Variants in CBLN4 observed in about 807,000 individuals in gnomAD.
The protein encoded by CBLN4 is cerebellin 4 precursor.
A neutral mutation model predicts 14.9 loss-of-function variants in CBLN4; 7 were observed. That is an observed-to-expected ratio of 0.47 (90% CI 0.27 to 0.88). The LOEUF (loss-of-function observed/expected upper bound fraction) is 0.88. CBLN4 is among the 40% of genes least tolerant of loss of function. CBLN4 has a pLI of 0.14. For synonymous variants in CBLN4, 131 were observed against 116.5 expected (o/e 1.12, Z -0.80); for missense variants, 188 against 256.8 (o/e 0.73, Z 1.83).
At chr20:55,998,838 G>T in intron 2 of CBLN4, 84 bp from the exon 3 acceptor site, 1 of 1,021,954 alleles carries the variant, frequency 9.8e-7, no homozygotes, top group Non-Finnish European at 1.5e-6. Context: ...TGTCTAAGAT[G>T]ATAGACCCAG....
In CBLN4 at chr20:55,998,571, C is replaced by G; in HGVS notation, c.592G>C (p.Val198Leu). ...GAAATTGAATCCTATAGGGGGAACA[C>G]CAGAAAGCCAGAAAACGTGGAATAC... ...WQYSTFSGFL[V>L]FPL Residue 198 changes from valine (V) to leucine (L), a missense_variant, in exon 3 of 3, where the codon GTG (valine) becomes CTG (leucine). Transcript: ENST00000064571. The G allele has an allele frequency of 6.2e-7, 1 of 1,614,048 alleles. No homozygotes were observed. The highest frequency in any genetic ancestry group is 1.1e-5 in the South Asian group (1 of 91,082).
chr20:56,000,093 C>A (rs2145958448), intron 2 of CBLN4, among the ~76,000 whole-genome samples: 1 of 152,298 alleles, frequency 6.6e-6, no homozygotes, highest in South Asian at 2.1e-4. Context: ...ATTGTTGGAA[C>A]AAGCTCCACT....
At position 56,004,027 on chromosome 20, in the gene CBLN4, C is replaced by G; in HGVS notation, c.145G>C (p.Ala49Pro). 1 of 1,614,040 alleles carries G rather than the reference C, an allele frequency of 6.2e-7. No individual in the cohort carries two copies. Among genetic ancestry groups the G allele is most frequent in the Non-Finnish European group, 8.5e-7 (1 of 1,179,994 alleles). Reference sequence around the variant, plus strand: ...GAAGAGGAGCCCTTGGAGTCCGTGGCCGGGTTCGAGTCGCACACCACCAGA... The same window carrying G: ...GAAGAGGAGCCCTTGGAGTCCGTGGGCGGGTTCGAGTCGCACACCACCAGA... ...KCLVVCDSNP[A>P]TDSKGSSSSP... The change falls in exon 1 of 3, where the codon GCC becomes CCC. Residue 49 changes from alanine to proline, a missense_variant. Ala to Pro is a conservative substitution (Grantham distance 27, BLOSUM62 -1). Coordinates refer to ENST00000064571, the MANE Select transcript of CBLN4 (RefSeq NM_080617.6). This position sits in a 1 kb window ranked among gnomAD's most constrained non-coding sequence, Gnocchi z 6.1.
In CBLN4 at chr20:55,998,447, C is replaced by G. The variant is rs1986316350; in HGVS notation, c.*110G>C. 8.2e-7 allele frequency: 1 copy of G among 1,212,592 alleles called. No homozygotes were observed. Among genetic ancestry groups the G allele is most frequent in the African/African-American group, 1.5e-5 (1 of 65,478 alleles). 75.1% of individuals were successfully genotyped at this position (1,212,592 alleles called of 1,614,324 possible). A position where few individuals can be genotyped will look rare whatever the true frequency, so the allele number is the denominator to read the frequency against. Reference sequence around the variant, plus strand: ...CTAGAATCCTTAGAATCCATATCCACCCATGAGAAACCAATAAAAGACATC... The same window carrying G: ...CTAGAATCCTTAGAATCCATATCCAGCCATGAGAAACCAATAAAAGACATC... On this transcript the variant is annotated 3_prime_UTR_variant, in exon 3 of 3. Transcript: ENST00000064571.
In CBLN4 at chr20:55,998,297, G is replaced by A; in HGVS notation, c.*260C>T. The A allele has an allele frequency of 4.6e-6, 2 of 430,484 alleles. No homozygotes were observed. Among genetic ancestry groups the A allele is most frequent in the Non-Finnish European group, 8.2e-6 (2 of 243,040 alleles). 26.7% of individuals were successfully genotyped at this position (430,484 alleles called of 1,614,324 possible). ...TCCCAGGAAATGAAATTCAGAATAA[G>A]TCTTGCAGACAGCTTTTGACTGTTA... On this transcript the variant is annotated 3_prime_UTR_variant, in exon 3 of 3. Coordinates refer to ENST00000064571, the MANE Select transcript of CBLN4 (RefSeq NM_080617.6).
chr20:56,003,989 C>T lies in CBLN4; in HGVS notation c.183G>A (p.Gly61=). 6.2e-7 allele frequency: 1 copy of T among 1,614,082 alleles called. No individual in the cohort carries two copies. The highest frequency in any genetic ancestry group is 8.5e-7 in the Non-Finnish European group (1 of 1,180,008). The change falls in exon 1 of 3, where the codon GGG becomes GGA. Residue 61 remains glycine (G), a synonymous_variant. Coordinates refer to ENST00000064571, the MANE Select transcript of CBLN4 (RefSeq NM_080617.6). ...TGGAGTTGGCCGCCCGGACCGATAT[C>T]CCCAGCGGGGAGGAAGAGGAGCCCT... ...DSKGSSSSPL[G]ISVRAANSKV...
chr20:56,002,519 A>C (rs1308035228), intron 1 of CBLN4, among the ~76,000 whole-genome samples: 1 of 152,274 alleles, frequency 6.6e-6, no homozygotes, highest in African/African-American at 2.4e-5. Context: ...ACTGAAAAGA[A>C]GAACAAACCC....
Position 55,998,731 on chromosome 20 carries a change from T to A in CBLN4, c.432A>T (p.Lys144Asn). The change falls in exon 3 of 3, where the codon AAA becomes AAT. Residue 144 changes from lysine (K) to asparagine (N), a missense_variant. By Grantham distance (94) the Lys-to-Asn change is moderately conservative. Around this residue, in one of 2 missense-constraint regions of CBLN4, gnomAD observed 93 missense variants for 157.7 expected, o/e 0.59. Transcript: ENST00000064571. ...TIQVNLMLNG[K>N]PVISAFAGDK... is the part of the protein sequence containing the mutation. Reference sequence around the variant, plus strand: ...CCCCCGCAAAGGCAGATATTACTGGTTTTCCATTTAACATCAAGTTAACCT... The same window carrying A: ...CCCCCGCAAAGGCAGATATTACTGGATTTCCATTTAACATCAAGTTAACCT... 1 of 1,614,004 alleles carries A rather than the reference T, an allele frequency of 6.2e-7. No homozygotes were observed. The highest frequency in any genetic ancestry group is 8.5e-7 in the Non-Finnish European group (1 of 1,179,874).
rs765854564 is a variant in CBLN4 at position 56,003,920 on chromosome 20, G to T, written c.252C>A (p.Ser84=). The T allele has an allele frequency of 3.1e-6, 5 of 1,613,348 alleles. No homozygotes were observed. The highest frequency in any genetic ancestry group is 3.4e-6 in the Non-Finnish European group (4 of 1,179,718). The change falls in exon 1 of 3, where the codon TCC becomes TCA. Residue 84 remains serine, a synonymous_variant. Transcript: ENST00000064571. ...TGATGCGCGTCTTGTTGCTCATCTC[G>T]GATGGCTCGTGGTTGGTGCTCCGCA... ...SAVRSTNHEP[S]EMSNKTRIIY...
At position 56,004,801 on chromosome 20, in the gene CBLN4, T is replaced by TAGGG. The variant is rs1986438325; in HGVS notation, c.-634_-631dup. 1 of 152,324 alleles carries TAGGG rather than the reference T, an allele frequency of 6.6e-6. No individual in the cohort carries two copies. Among genetic ancestry groups the TAGGG allele is most frequent in the South Asian group, 2.1e-4 (1 of 4,828 alleles). 9.4% of individuals were successfully genotyped at this position (152,324 alleles called of 1,614,324 possible). On this transcript the variant is annotated 5_prime_UTR_variant, in exon 1 of 3. Coordinates refer to ENST00000064571, the MANE Select transcript of CBLN4 (RefSeq NM_080617.6). The surrounding 1 kb of genome is among the most constrained non-coding windows in gnomAD (Gnocchi z 6.1). ...CCCCAAACCTGGTGTCACCCAGAGG[T>TAGGG]AGGGAGGGAGGCAGCGGCTAGCCAG...
At chr20:56,002,536 T>C (rs1986391702) in intron 1 of CBLN4, among the ~76,000 whole-genome samples, 1 of 152,216 alleles carries the variant, frequency 6.6e-6, no homozygotes, top group Admixed American at 6.5e-5. Context: ...ACCCTTTTCC[T>C]CTTCTAATTG....
chr20:55,998,859 G>T, intron 2 of CBLN4, 105 bp from the exon 3 acceptor site: 1 of 827,342 alleles, frequency 1.2e-6, no homozygotes, highest in Non-Finnish European at 1.9e-6. Flanking sequence ...TAAAATACCT[G>T]ATGTTCAGGA....
chr20:56,000,348 G>T (rs1317390484), intron 2 of CBLN4, among the ~76,000 whole-genome samples: 1 of 152,098 alleles, frequency 6.6e-6, no homozygotes, highest in Non-Finnish European at 1.5e-5. Context: ...TATTTATTTA[G>T]TATGCACTTG....
intron 1 of CBLN4, among the ~76,000 whole-genome samples, chr20:56,001,813 CTT>C (rs1218343459): frequency 6.6e-6 from 1 of 152,146 alleles, no homozygotes; most frequent in African/African-American, 2.4e-5. Context: ...TAAGTGACCT[CTT>C]AAGCTAAATT....
At chr20:56,001,811 C>T (rs2145959293) in intron 1 of CBLN4, among the ~76,000 whole-genome samples, 1 of 152,180 alleles carries the variant, frequency 6.6e-6, no homozygotes. Context: ...AATAAGTGAC[C>T]TCTTAAGCTA....
chr20:55,998,498 C>T lies in CBLN4; in HGVS notation c.*59G>A, dbSNP rs1986317045. The T allele has an allele frequency of 1.9e-6, 3 of 1,581,308 alleles. No homozygotes were observed. Among genetic ancestry groups the T allele is most frequent in the Middle Eastern group, 1.7e-4 (1 of 5,960 alleles). On this transcript the variant is annotated 3_prime_UTR_variant, in exon 3 of 3. Transcript: ENST00000064571. ...AATCCAATGATGAAAAAATGATCTTCCAATAACTCAGGAGTGGGTCATCCC... is the reference window on the plus strand; with the variant it reads ...AATCCAATGATGAAAAAATGATCTTTCAATAACTCAGGAGTGGGTCATCCC...
intron 1 of CBLN4, among the ~76,000 whole-genome samples, chr20:56,001,368 C>T (rs997460644): frequency 1.3e-5 from 2 of 152,210 alleles, no homozygotes; most frequent in African/African-American, 4.8e-5. Flanking sequence ...CCGCAGCATC[C>T]CTGGACAAAC....
chr20:56,000,984 C>A, intron 1 of CBLN4, 137 bp from the exon 2 acceptor site: 1 of 439,076 alleles, frequency 2.3e-6, no homozygotes, highest in Non-Finnish European at 3.9e-6. Flanking sequence ...CTCTTTCTTT[C>A]TTTTCTTTTT....
Position 56,004,146 on chromosome 20 carries a change from G to C in CBLN4, c.26C>G (p.Ser9Cys). 6.4e-7 allele frequency: 1 copy of C among 1,557,888 alleles called. No individual in the cohort carries two copies. The highest frequency in any genetic ancestry group is 8.6e-7 in the Non-Finnish European group (1 of 1,156,310). Residue 9 changes from serine (S) to cysteine (C), a missense_variant, in exon 1 of 3, where the codon TCC becomes TGC. This residue lies in a region of CBLN4 where 95 missense variants were observed against 99.2 expected (regional missense o/e 0.96). Transcript: ENST00000064571. The surrounding 1 kb of genome is among the most constrained non-coding windows in gnomAD (Gnocchi z 6.1). Reference sequence around the variant, plus strand: ...GACCAGCAGCACGGCCGGCACCGCGGACAGCGCCCGGCGCCCGGAGCCCAT... The same window carrying C: ...GACCAGCAGCACGGCCGGCACCGCGCACAGCGCCCGGCGCCCGGAGCCCAT... Reference protein sequence around the residue: MGSGRRALSAVPAVLLVLT... With the variant: MGSGRRALCAVPAVLLVLT...
Sources: allele counts gnomAD v4.1 joint callset (sites outside exome capture counted in the v4.1 genomes callset), GRCh38; gene constraint gnomAD v4.1.1; regional missense constraint gnomAD v4.1.1; non-coding constraint Gnocchi (gnomAD v3.1); transcripts MANE v1.5; gene names NCBI Gene and HGNC (gene_info 2026-07-23, HGNC 2026-07-21).